The following CCDC138 variants were observed in gnomAD, a reference collection of about 807,000 sequenced individuals.
CCDC138 encodes the protein coiled-coil domain containing 138.
Under a neutral mutation model 82.3 loss-of-function variants are expected in CCDC138, and 66 were observed. The ratio of observed to expected loss-of-function variants is 0.80; its 90% CI spans 0.66 to 0.98. The LOEUF (loss-of-function observed/expected upper bound fraction) is 0.98. Among genes scored for constraint, CCDC138 ranks in the 50% least tolerant of loss-of-function variants. CCDC138 has a pLI of 0.00. For synonymous variants in CCDC138, 297 were observed against 265.4 expected, an observed-to-expected ratio of 1.12 and a Z score of -1.16; for missense variants, 816 against 758.9, an observed-to-expected ratio of 1.08 and a Z score of -0.88.
chr2:108,845,623 G>A (rs1333146905), intron 11 of CCDC138, among the ~76,000 whole-genome samples: 1 of 146,396 alleles, frequency 6.8e-6, no homozygotes. Flanking sequence ...CCAGGCTGGA[G>A]TGCAGTGGTG....
In CCDC138 at chr2:108,856,937, A is replaced by G. The variant is rs894051163; in HGVS notation, c.1660A>G (p.Ile554Val). Residue 554 changes from isoleucine (I) to valine (V), a missense_variant, in exon 13 of 15, where the codon ATT becomes GTT. Physicochemically the swap from Ile to Val is conservative, Grantham distance 29 (BLOSUM62 3). Coordinates refer to ENST00000295124, the MANE Select transcript of CCDC138 (RefSeq NM_144978.3). ...ISSKGLLSNV[I>V]DSLLQMTVES... ...CAGTAAAGGACTCCTGTCTAATGTT[A>G]TTGATAGTTTGCTCCAGATGACGGT... is the stretch of plus-strand genomic sequence containing the variant. The G allele has an allele frequency of 1.9e-6, 3 of 1,609,172 alleles. No homozygotes were observed. Among genetic ancestry groups the G allele is most frequent in the Non-Finnish European group, 2.5e-6 (3 of 1,178,328 alleles).
At chr2:108,857,649 G>C (rs1692845821) in intron 13 of CCDC138, among the ~76,000 whole-genome samples, 1 of 152,104 alleles carries the variant, frequency 6.6e-6, no homozygotes. Context: ...TAAAATATTG[G>C]ACTTACAGTT....
intron 4 of CCDC138, 70 bp from the exon 5 acceptor site, chr2:108,794,470 A>G (rs1680509343): frequency 1.5e-6 from 2 of 1,366,838 alleles, no homozygotes; most frequent in Non-Finnish European, 2.0e-6. Context: ...CTCTTCCTAA[A>G]GGTTACTCTG....
At chr2:108,793,667 G>A (rs2149463788) in intron 4 of CCDC138, among the ~76,000 whole-genome samples, 1 of 151,782 alleles carries the variant, frequency 6.6e-6, no homozygotes, top group South Asian at 2.1e-4. Context: ...CGCGATCTGG[G>A]CTCACTGTAA....
chr2:108,831,247 A>T (rs760982480), intron 10 of CCDC138, among the ~76,000 whole-genome samples: 15 of 152,178 alleles, frequency 9.9e-5, no homozygotes, highest in Non-Finnish European at 1.8e-4. Flanking sequence ...AATGTATCTG[A>T]TGTAAATACA....
intron 10 of CCDC138, among the ~76,000 whole-genome samples, chr2:108,828,998 C>G (rs1687090754): frequency 6.6e-6 from 1 of 151,918 alleles, no homozygotes; most frequent in African/African-American, 2.4e-5. Context: ...AAATTTAACT[C>G]AAAATGGGTC....
chr2:108,811,918 G>A (rs1246161564), intron 7 of CCDC138, among the ~76,000 whole-genome samples: 1 of 151,984 alleles, frequency 6.6e-6, no homozygotes, highest in African/African-American at 2.4e-5. Context: ...ATGACCTCCA[G>A]CTCCATCCAT....
At chr2:108,821,982 A>C (rs1454922521) in intron 10 of CCDC138, among the ~76,000 whole-genome samples, 1 of 152,000 alleles carries the variant, frequency 6.6e-6, no homozygotes, top group Non-Finnish European at 1.5e-5. Context: ...CTTTAAATGC[A>C]AATAGATGAA....
downstream of CCDC138, among the ~76,000 whole-genome samples, chr2:108,879,630 ATAT>A (rs1436801058): frequency 6.6e-6 from 1 of 152,174 alleles, no homozygotes; most frequent in Non-Finnish European, 1.5e-5. Flanking sequence ...AGTTTTTAGT[ATAT>A]TATTATTATT....
intron 10 of CCDC138, among the ~76,000 whole-genome samples, chr2:108,822,600 A>G (rs1262878645): frequency 1.3e-5 from 2 of 152,230 alleles, no homozygotes; most frequent in African/African-American, 4.8e-5. Context: ...ACATCATTAC[A>G]AAATTTCTGA....
chr2:108,810,623 CTTG>C (rs1683631318), intron 7 of CCDC138, among the ~76,000 whole-genome samples: 1 of 152,006 alleles, frequency 6.6e-6, no homozygotes, highest in South Asian at 2.1e-4. Flanking sequence ...CTGGAGTTTT[CTTG>C]TTGTGTCTTG....
intron 2 of CCDC138, 24 bp downstream of exon 2, chr2:108,788,113 G>T: frequency 6.3e-7 from 1 of 1,599,758 alleles, no homozygotes; most frequent in Non-Finnish European, 8.5e-7. Context: ...TTGTATATTT[G>T]GGGGTTTCAA....
intron 11 of CCDC138, among the ~76,000 whole-genome samples, chr2:108,841,174 T>TAA (rs910725312): frequency 1.3e-5 from 2 of 152,188 alleles, no homozygotes; most frequent in Admixed American, 6.5e-5. Context: ...GTGTTTCTGT[T>TAA]ACTCTGTTTT....
At chr2:108,857,049 C>A in intron 13 of CCDC138, 79 bp downstream of exon 13, 5 of 326,416 alleles carry the variant, frequency 1.5e-5, no homozygotes, top group East Asian at 8.1e-5. Flanking sequence ...TATAACTCCA[C>A]ATATCAGATA....
chr2:108,879,435 A>G (rs887642139), downstream of CCDC138, among the ~76,000 whole-genome samples: 1 of 152,236 alleles, frequency 6.6e-6, no homozygotes, highest in African/African-American at 2.4e-5. Context: ...TGCAGTTAGC[A>G]TGAATCTGGT....
chr2:108,858,926 G>T (rs769766836), intron 13 of CCDC138, among the ~76,000 whole-genome samples: 9 of 152,082 alleles, frequency 5.9e-5, no homozygotes, highest in Non-Finnish European at 1.0e-4. Context: ...ACCACTGATG[G>T]GCACCTAGGT....
intron 10 of CCDC138, among the ~76,000 whole-genome samples, chr2:108,819,901 CGATAATTTAAAAATG>C (rs1685378224): frequency 6.6e-6 from 1 of 151,690 alleles, no homozygotes; most frequent in Admixed American, 6.6e-5. Flanking sequence ...AAACTGTAAC[CGATAATTTAAAAATG>C]GAAAGAGAAC....
At chr2:108,787,461 A>G (rs75495651) in intron 1 of CCDC138, among the ~76,000 whole-genome samples, 3,274 of 152,176 alleles carry the variant, frequency 0.022, 60 homozygotes, top group Non-Finnish European at 0.033. Context: ...TAACTTGTGC[A>G]TTTTTCCTAA....
chr2:108,787,002 C>A lies in CCDC138; in HGVS notation c.93+87C>A, dbSNP rs1389729493. The A allele has an allele frequency of 3.4e-6, 3 of 889,448 alleles. No homozygotes were observed. The African/African-American group carries it at 5.4e-5, about 16-fold the overall frequency. 55.1% of individuals were successfully genotyped at this position (889,448 alleles called of 1,614,324 possible). A position where few individuals can be genotyped will look rare whatever the true frequency, so the allele number is the denominator to read the frequency against. On this transcript the variant is annotated intron_variant, in intron 1 of 14. Coordinates refer to ENST00000295124, the MANE Select transcript of CCDC138 (RefSeq NM_144978.3). ...GCCCCGCGCAGCCGGCCTGGGGGCG[C>A]GCAGCGGCTCTGGTCCCGGCCCCGG...
Sources: allele counts gnomAD v4.1 joint callset (sites outside exome capture counted in the v4.1 genomes callset), GRCh38; gene constraint gnomAD v4.1.1; transcripts MANE v1.5; gene names NCBI Gene and HGNC (gene_info 2026-07-23, HGNC 2026-07-21).